Variants in SPTBN4 observed in about 807,000 individuals in gnomAD.
SPTBN4 encodes spectrin beta chain, non-erythrocytic 4.
Under a neutral mutation model 277.8 loss-of-function variants are expected in SPTBN4, and 96 were observed. That is an observed-to-expected ratio of 0.35 (90% CI 0.29 to 0.41). The LOEUF (loss-of-function observed/expected upper bound fraction) is 0.41. Among genes scored for constraint, SPTBN4 ranks in the 10% least tolerant of loss-of-function variants. SPTBN4 has a pLI of 1.00. For synonymous variants in SPTBN4, 1,481 were observed against 1,580.3 expected (o/e 0.94, Z 1.49); for missense variants, 3,006 against 3,595.7 (o/e 0.84, Z 4.19).
intron 2 of SPTBN4, among the ~76,000 whole-genome samples, chr19:40,476,808 T>C (rs4803343): frequency 0.41 from 62,636 of 151,782 alleles, 13,477 homozygotes; most frequent in African/African-American, 0.46. Flanking sequence ...AGGATGGTTT[T>C]GATCTCCTGA....
rs1310170419 is a variant in SPTBN4, at chr19:40,490,819, T to G, written c.495+571T>G. On this transcript the variant is annotated intron_variant, in intron 4 of 35. Coordinates refer to ENST00000598249, the MANE Select transcript of SPTBN4 (RefSeq NM_020971.3). This position sits in a 1 kb window ranked among gnomAD's most constrained non-coding sequence, Gnocchi z 4.3. ...AACCCAGCACTTTGCGAGGCTGAGA[T>G]GGGAGGAACACTAAGGCCAGGAGTT... Among the ~76,000 whole-genome samples the G allele has an allele frequency of 6.6e-6, 1 of 152,034 alleles. No individual in the cohort carries two copies. The highest frequency in any genetic ancestry group is 1.5e-5 in the Non-Finnish European group (1 of 68,004).
Position 40,504,137 on chromosome 19 carries a change from C to CTGGGGGGG in SPTBN4, c.1665+5_1665+6insTGGGGGGG. On this transcript the variant is annotated splice_donor_region_variant and intron_variant, in intron 12 of 35. Coordinates refer to ENST00000598249, the MANE Select transcript of SPTBN4 (RefSeq NM_020971.3). ...GACTGGATGGAGGAGATGCAGGTGC[C>CTGGGGGGG]GGCGGGGGGGCGGGGATGCGGGTGG... 1 of 585,364 alleles carries CTGGGGGGG rather than the reference C, an allele frequency of 1.7e-6. No individual in the cohort carries two copies. The highest frequency in any genetic ancestry group is 2.4e-6 in the Non-Finnish European group (1 of 422,682). 36.3% of individuals were successfully genotyped at this position (585,364 alleles called of 1,614,324 possible).
At chr19:40,528,111 A>T (rs1443798383) in intron 17 of SPTBN4, among the ~76,000 whole-genome samples, 1 of 149,314 alleles carries the variant, frequency 6.7e-6, no homozygotes, top group Admixed American at 6.7e-5. Flanking sequence ...CCCTGGGAGG[A>T]TCTCTAAGGA....
intron 5 of SPTBN4, 41 bp from the exon 6 acceptor site, chr19:40,494,856 T>A (rs2080178231): frequency 1.3e-6 from 2 of 1,584,794 alleles, no homozygotes; most frequent in African/African-American, 2.7e-5. Context: ...CCCTCCTAAC[T>A]CTCCCCATCT....
At chr19:40,563,762 G>T (rs1170412009) in intron 27 of SPTBN4, among the ~76,000 whole-genome samples, 1 of 129,266 alleles carries the variant, frequency 7.7e-6, no homozygotes, top group Non-Finnish European at 1.6e-5. Flanking sequence ...AATGAGGCCA[G>T]GCGCAGTGGC....
chr19:40,531,388 G>A (rs539053351), intron 18 of SPTBN4, among the ~76,000 whole-genome samples: 2 of 150,840 alleles, frequency 1.3e-5, no homozygotes, highest in Non-Finnish European at 3.0e-5. Context: ...GGGTTTGGCC[G>A]GCTGGGGATC....
At chr19:40,510,772 A>T (rs536809991) in intron 13 of SPTBN4, among the ~76,000 whole-genome samples, 190 of 152,272 alleles carry the variant, frequency 1.2e-3, no homozygotes, top group Non-Finnish European at 2.5e-3. Flanking sequence ...CTGTAATCCC[A>T]GTACTTTGGG....
chr19:40,522,302 A>G (rs2080535973), intron 16 of SPTBN4, among the ~76,000 whole-genome samples: 2 of 150,698 alleles, frequency 1.3e-5, no homozygotes, highest in African/African-American at 4.9e-5. Context: ...TGCTGGGATT[A>G]TAGGCATGAG....
chr19:40,560,727 G>C lies in SPTBN4; in HGVS notation c.5915+324G>C. On this transcript the variant is annotated intron_variant, in intron 27 of 35. Coordinates refer to ENST00000598249, the MANE Select transcript of SPTBN4 (RefSeq NM_020971.3). This position sits in a 1 kb window ranked among gnomAD's most constrained non-coding sequence, Gnocchi z 5.2. ...GAGGTGTGGGACTGTATTTGTGAGG[G>C]TGGGTGAAGAATTCTAACAATTCCA... The C allele has an allele frequency of 7.3e-7, 1 of 1,363,680 alleles. No individual in the cohort carries two copies. The highest frequency in any genetic ancestry group is 2.8e-5 in the East Asian group (1 of 35,124). 84.5% of individuals were successfully genotyped at this position (1,363,680 alleles called of 1,614,324 possible).
chr19:40,516,389 A>G (rs2080461043), intron 15 of SPTBN4, among the ~76,000 whole-genome samples: 1 of 151,928 alleles, frequency 6.6e-6, no homozygotes, highest in African/African-American at 2.4e-5. Context: ...TGCAGCCTCC[A>G]ACACCTAGGC....
chr19:40,477,025 T>TTTATTATTA lies in SPTBN4; in HGVS notation c.169+4252_169+4260dup, dbSNP rs368715725. 9.6e-3 allele frequency among the ~76,000 whole-genome samples: 1,410 copies of TTTATTATTA among 147,562 alleles called. 18 individuals are homozygous for TTTATTATTA. The highest frequency in any genetic ancestry group is 0.027 in the South Asian group (123 of 4,620). ...TGTACCACCACTCCCAGCTGTAGAATTTATTATTATTATTATTATTATTAT... is the reference window on the plus strand; with the variant it reads ...TGTACCACCACTCCCAGCTGTAGAATTTATTATTATTATTATTATTATTATTATTATTAT... On this transcript the variant is annotated intron_variant, in intron 2 of 35. Coordinates refer to ENST00000598249, the MANE Select transcript of SPTBN4 (RefSeq NM_020971.3).
At position 40,512,961 on chromosome 19, in the gene SPTBN4, G is replaced by C; in HGVS notation, c.2172G>C (p.Glu724Asp). The C allele has an allele frequency of 7.1e-7, 1 of 1,413,004 alleles. No homozygotes were observed. Among genetic ancestry groups the C allele is most frequent in the Non-Finnish European group, 9.1e-7 (1 of 1,093,656 alleles). 87.5% of individuals were successfully genotyped at this position (1,413,004 alleles called of 1,614,324 possible). A position where few individuals can be genotyped will look rare whatever the true frequency, so the allele number is the denominator to read the frequency against. ...AGCAGGCCCTGCGGTGTGGCGAGGA[G>C]CTGGTTGCGGCCGGCGGTGCCGTCG... ...LLQQALRCGE[E>D]LVAAGGAVGP... is the part of the protein sequence containing the mutation. The change falls in exon 14 of 36, where the codon GAG (glutamate) becomes GAC (aspartate). Residue 724 changes from glutamate to aspartate, a missense_variant. By Grantham distance (45) the Glu-to-Asp change is conservative. Transcript: ENST00000598249.
At chr19:40,494,094 G>T (rs556902161) in intron 5 of SPTBN4, among the ~76,000 whole-genome samples, 3 of 150,438 alleles carry the variant, frequency 2.0e-5, no homozygotes, top group Non-Finnish European at 2.9e-5. Flanking sequence ...CCTGCAGGGA[G>T]CAGTAAGACC....
chr19:40,572,242 T>C, intron 34 of SPTBN4, 50 bp downstream of exon 34: 1 of 1,600,020 alleles, frequency 6.2e-7, no homozygotes, highest in South Asian at 1.1e-5. Flanking sequence ...CAGCTTCAAC[T>C]CCCAGTGGGA....
rs932473629 is a variant in SPTBN4, at chr19:40,519,091, A to G, written c.2904-310A>G. On this transcript the variant is annotated intron_variant, in intron 15 of 35. Coordinates refer to ENST00000598249, the MANE Select transcript of SPTBN4 (RefSeq NM_020971.3). This position sits in a 1 kb window ranked among gnomAD's most constrained non-coding sequence, Gnocchi z 5.7. ...TAAATCAGAGTCGGCTTCTGCTCTCAGTCTCTCCTGCCGCCTCTGGAAAAC... is the reference window on the plus strand; with the variant it reads ...TAAATCAGAGTCGGCTTCTGCTCTCGGTCTCTCCTGCCGCCTCTGGAAAAC... 6.6e-6 allele frequency among the ~76,000 whole-genome samples: 1 copy of G among 152,196 alleles called. No individual in the cohort carries two copies. Among genetic ancestry groups the G allele is most frequent in the South Asian group, 2.1e-4 (1 of 4,830 alleles).
chr19:40,566,460 C>T lies in SPTBN4; in HGVS notation c.6336+101C>T, dbSNP rs888997117. ...ACACACCGAGACATGGTGCTTGGTC[C>T]TGTGTTGTGTGAGTGCCAAGACAGA... On this transcript the variant is annotated intron_variant, in intron 30 of 35. Transcript: ENST00000598249. 12 of 1,171,234 alleles carry T rather than the reference C, an allele frequency of 1.0e-5. No homozygotes were observed. The South Asian group carries it at 1.1e-4, about 11-fold the overall frequency. The allele number at this position is 1,171,234 out of a possible 1,614,324, so 72.6% of individuals were successfully genotyped here. A position where few individuals can be genotyped will look rare whatever the true frequency, so the allele number is the denominator to read the frequency against.
In SPTBN4 at chr19:40,502,782, G is replaced by A; in HGVS notation, c.1211G>A (p.Gly404Asp). The change falls in exon 11 of 36, where the codon GGT becomes GAT. Residue 404 changes from glycine (G) to aspartate (D), a missense_variant. Transcript: ENST00000598249. This position sits in a 1 kb window ranked among gnomAD's most constrained non-coding sequence, Gnocchi z 4.9. Reference sequence around the variant, plus strand: ...TCCTCCCATCTCCTGCAGGCATGGGGTGAGCTGGAGAAGGCTGAGCATGAG... The same window carrying A: ...TCCTCCCATCTCCTGCAGGCATGGGATGAGCTGGAGAAGGCTGAGCATGAG... ...CGIWDIDKAW[G>D]ELEKAEHERE... The A allele has an allele frequency of 6.2e-7, 1 of 1,613,818 alleles. No homozygotes were observed. Among genetic ancestry groups the A allele is most frequent in the Non-Finnish European group, 8.5e-7 (1 of 1,179,946 alleles).
rs1470003822 is a variant in SPTBN4, at chr19:40,554,543, A to G, written c.4981A>G (p.Lys1661Glu). The G allele has an allele frequency of 6.7e-7, 1 of 1,494,808 alleles. No individual in the cohort carries two copies. Among genetic ancestry groups the G allele is most frequent in the East Asian group, 2.4e-5 (1 of 41,794 alleles). The allele number at this position is 1,494,808 out of a possible 1,614,324, so 92.6% of individuals were successfully genotyped here. ...KDEQSTLQLL[K>E]KHLQLEQGVE... ...CGAACAGAGCACCCTGCAGCTGCTCAAGAAACACCTGCAGCTGGAGCAAGG... is the reference window on the plus strand; with the variant it reads ...CGAACAGAGCACCCTGCAGCTGCTCGAGAAACACCTGCAGCTGGAGCAAGG... The change falls in exon 24 of 36, where the codon AAG becomes GAG. Residue 1661 changes from lysine (K) to glutamate (E), a missense_variant. Lys to Glu is a moderately conservative substitution (Grantham distance 56). This residue lies in a region of SPTBN4 where 425 missense variants were observed against 594.7 expected (regional missense o/e 0.71). Transcript: ENST00000598249. The surrounding 1 kb of genome is among the most constrained non-coding windows in gnomAD (Gnocchi z 5.7).
In SPTBN4 at chr19:40,568,267, G is replaced by A; in HGVS notation, c.6941G>A (p.Gly2314Glu). The A allele has an allele frequency of 6.2e-7, 1 of 1,605,864 alleles. No homozygotes were observed. The highest frequency in any genetic ancestry group is 8.5e-7 in the Non-Finnish European group (1 of 1,176,470). ...AGCGAACAGGAGATGCCCATCAGAG[G>A]AGACCTGGTCAAGGGGTGAGGTGCC... ...ESSEQEMPIRGDLVKGKATLA... is the reference protein window; with the variant it reads ...ESSEQEMPIREDLVKGKATLA... Residue 2314 changes from glycine (G) to glutamate (E), a missense_variant, in exon 31 of 36, where the codon GGA (glycine) becomes GAA (glutamate). This residue lies in a region of SPTBN4 where 630 missense variants were observed against 677.6 expected (regional missense o/e 0.93). Transcript: ENST00000598249.
Sources: gnomAD v4.1 joint callset for allele counts (sites outside exome capture counted in the v4.1 genomes callset) on GRCh38, gnomAD v4.1.1 for gene constraint, gnomAD v4.1.1 regional missense constraint, Gnocchi (gnomAD v3.1) non-coding constraint, MANE v1.5 for transcripts, NCBI Gene and HGNC (gene_info 2026-07-23, HGNC 2026-07-21) for gene names.